Variants in MSL1 observed in about 807,000 individuals in gnomAD.
The protein encoded by MSL1 is MSL complex subunit 1, also known as male-specific lethal 1 homolog.
In MSL1, 21 loss-of-function variants were observed where a neutral mutation model predicts 64.6. The observed-to-expected ratio is 0.33, with a 90% CI of 0.23 to 0.47. The LOEUF (loss-of-function observed/expected upper bound fraction) is 0.47. Ranked by LOEUF, MSL1 falls within the 20% of genes least tolerant of loss-of-function variation. The probability of loss-of-function intolerance (pLI) is 1.00; values close to 1 mark genes in which losing one functional copy is unlikely to be tolerated. For synonymous variants in MSL1, 339 were observed against 329.6 expected, an observed-to-expected ratio of 1.03 and a Z score of -0.31; for missense variants, 664 against 793.2, an observed-to-expected ratio of 0.84 and a Z score of 1.96.
intron 7 of MSL1, 35 bp downstream of exon 7, chr17:40,133,693 AAAG>A (rs756228768): frequency 3.1e-6 from 5 of 1,610,996 alleles, no homozygotes; most frequent in East Asian, 4.5e-5. Context: ...TAGGTTTTTG[AAAG>A]AAGGAGGAGG....
chr17:40,129,448 G>A lies in MSL1; in HGVS notation c.1196G>A (p.Arg399Lys). The A allele has an allele frequency of 6.2e-7, 1 of 1,613,674 alleles. No homozygotes were observed. Among genetic ancestry groups the A allele is most frequent in the Non-Finnish European group, 8.5e-7 (1 of 1,179,794 alleles). Residue 399 changes from arginine to lysine, a missense_variant, in exon 3 of 9, where the codon AGA becomes AAA. By Grantham distance (26) the Arg-to-Lys change is conservative. Transcript: ENST00000398532. Reference sequence around the variant, plus strand: ...CGGTCTTCAGTGGACACCCCACCAAGACTCTCCACTCCCCAAAAGGGACCC... The same window carrying A: ...CGGTCTTCAGTGGACACCCCACCAAAACTCTCCACTCCCCAAAAGGGACCC... ...KPRSSVDTPP[R>K]LSTPQKGPST...
chr17:40,122,674 A>T lies in MSL1; in HGVS notation c.62A>T (p.Gln21Leu). 1 of 1,492,074 alleles carries T rather than the reference A, an allele frequency of 6.7e-7. No homozygotes were observed. The highest frequency in any genetic ancestry group is 8.9e-7 in the Non-Finnish European group (1 of 1,128,164). 92.4% of individuals were successfully genotyped at this position (1,492,074 alleles called of 1,614,324 possible). The change falls in exon 1 of 9, where the codon CAG becomes CTG. Residue 21 changes from glutamine (Q) to leucine (L), a missense_variant. Physicochemically the swap from Gln to Leu is moderately radical, Grantham distance 113. Around this residue, in one of 4 missense-constraint regions of MSL1, gnomAD observed 466 missense variants for 499.0 expected, o/e 0.93. Transcript: ENST00000398532. The surrounding 1 kb of genome is among the most constrained non-coding windows in gnomAD (Gnocchi z 4.2). Reference protein sequence around the residue: ...AAAPAGGNPEQRLDYERAAAL... With the variant: ...AAAPAGGNPELRLDYERAAAL... The stretch of plus-strand genomic sequence containing the variant: ...GCCCCTGCCGGCGGCAATCCTGAGC[A>T]GCGACTGGACTACGAGCGGGCTGCG...
At chr17:40,133,376 G>C (rs567543860) in intron 6 of MSL1, 158 bp from the exon 7 acceptor site, 133 of 932,562 alleles carry the variant, frequency 1.4e-4, no homozygotes, top group South Asian at 3.8e-4. Context: ...GACCTAAACA[G>C]CTCTCCCTTA....
chr17:40,134,206 T>G, intron 8 of MSL1, 73 bp from the exon 9 acceptor site: 1 of 1,334,196 alleles, frequency 7.5e-7, no homozygotes, highest in Non-Finnish European at 1.1e-6. Flanking sequence ...AGTGACTTTT[T>G]TGTAGTTGCT....
rs968272273 is a variant in MSL1, at chr17:40,122,980, C to T, written c.368C>T (p.Ala123Val). The change falls in exon 1 of 9, where the codon GCC becomes GTC. Residue 123 changes from alanine (A) to valine (V), a missense_variant. Ala to Val is a moderately conservative substitution (Grantham distance 64). This residue lies in a region of MSL1 where 466 missense variants were observed against 499.0 expected (regional missense o/e 0.93). Transcript: ENST00000398532. This position sits in a 1 kb window ranked among gnomAD's most constrained non-coding sequence, Gnocchi z 4.2. ...GGGGGGGAGCCTGCCGCAGCCGGAG[C>T]CGGCTGCAGCCCCCGGCCCAAGTAT... The part of the protein sequence containing the change: ...GIGGEPAAAG[A>V]GCSPRPKYQA... 2.0e-6 allele frequency: 3 copies of T among 1,527,578 alleles called. No individual in the cohort carries two copies. The highest frequency in any genetic ancestry group is 2.5e-5 in the East Asian group (1 of 39,584). The allele number at this position is 1,527,578 out of a possible 1,614,324, so 94.6% of individuals were successfully genotyped here. A position where few individuals can be genotyped will look rare whatever the true frequency, so the allele number is the denominator to read the frequency against.
intron 2 of MSL1, among the ~76,000 whole-genome samples, chr17:40,128,571 G>A (rs1008028979): frequency 5.3e-5 from 8 of 150,888 alleles, no homozygotes; most frequent in African/African-American, 1.9e-4. Context: ...TAGTAGAGAC[G>A]GGGTTTCACC....
At chr17:40,125,703 G>A (rs1436517641) in intron 1 of MSL1, among the ~76,000 whole-genome samples, 1 of 152,114 alleles carries the variant, frequency 6.6e-6, no homozygotes, top group South Asian at 2.1e-4. Flanking sequence ...CCAGCTACTC[G>A]GGAGGCTGAG....
In MSL1 at chr17:40,132,116, C is replaced by T. The variant is rs1988449336; in HGVS notation, c.1488+18C>T. Reference sequence around the variant, plus strand: ...TTTTGGAGGTAGGTAACCAAGAGCACTCAATTGAAGAGAGTAAGAGATTAA... The same window carrying T: ...TTTTGGAGGTAGGTAACCAAGAGCATTCAATTGAAGAGAGTAAGAGATTAA... On this transcript the variant is annotated intron_variant, in intron 5 of 8. Coordinates refer to ENST00000398532, the MANE Select transcript of MSL1 (RefSeq NM_001365919.1). 1.9e-6 allele frequency: 3 copies of T among 1,566,786 alleles called. No homozygotes were observed. The highest frequency in any genetic ancestry group is 2.6e-6 in the Non-Finnish European group (3 of 1,145,164).
intron 2 of MSL1, among the ~76,000 whole-genome samples, chr17:40,128,369 CTTTTTTTTT>C (rs145183199): frequency 1.1e-4 from 12 of 112,708 alleles, no homozygotes; most frequent in African/African-American, 3.2e-4. Context: ...CTTGAATATT[CTTTTTTTTT>C]TTTTTTTTTT....
In MSL1 at chr17:40,129,299, T is replaced by A. The variant is rs769207246; in HGVS notation, c.1047T>A (p.Pro349=). 6.3e-7 allele frequency: 1 copy of A among 1,581,986 alleles called. No homozygotes were observed. The highest frequency in any genetic ancestry group is 2.0e-5 in the Admixed American group (1 of 49,612). The change falls in exon 3 of 9, where the codon CCT becomes CCA. Residue 349 remains proline (P), a synonymous_variant. Transcript: ENST00000398532. ...ERKTPVKKLA[P]EFSKVKTKTP... ...AGACTCCTGTTAAAAAGCTGGCTCC[T>A]GAATTTTCAAAAGTCAAAACAAAAA...
chr17:40,123,830 A>G (rs1988251609), intron 1 of MSL1, among the ~76,000 whole-genome samples: 1 of 152,296 alleles, frequency 6.6e-6, no homozygotes, highest in South Asian at 2.1e-4. Context: ...GCATCTTTAG[A>G]TAGGAGGGCA....
chr17:40,128,446 C>G (rs2145131820), intron 2 of MSL1, among the ~76,000 whole-genome samples: 2 of 147,990 alleles, frequency 1.4e-5, no homozygotes, highest in South Asian at 4.3e-4. Flanking sequence ...GTGATCTCAG[C>G]TCACTGCAAC....
chr17:40,123,126 C>T lies in MSL1; in HGVS notation c.514C>T (p.Pro172Ser), dbSNP rs1988228527. The change falls in exon 1 of 9, where the codon CCC (proline) becomes TCC (serine). Residue 172 changes from proline (P) to serine (S), a missense_variant. Coordinates refer to ENST00000398532, the MANE Select transcript of MSL1 (RefSeq NM_001365919.1). ...TGCCACCGCCTCGGACCCGGCGGGA[C>T]CCCCACCACTACCTCTGCCCGGGCC... ...PAATASDPAG[P>S]PPLPLPGPPP... The T allele has an allele frequency of 1.3e-6, 2 of 1,532,042 alleles. No individual in the cohort carries two copies. Among genetic ancestry groups the T allele is most frequent in the African/African-American group, 1.4e-5 (1 of 72,796 alleles). The allele number at this position is 1,532,042 out of a possible 1,614,324, so 94.9% of individuals were successfully genotyped here. A position where few individuals can be genotyped will look rare whatever the true frequency, so the allele number is the denominator to read the frequency against.
Position 40,131,703 on chromosome 17 carries a change from G to T in MSL1, c.1423+119G>T. 1.1e-6 allele frequency: 1 copy of T among 930,824 alleles called. No individual in the cohort carries two copies. Among genetic ancestry groups the T allele is most frequent in the Non-Finnish European group, 1.8e-6 (1 of 561,448 alleles). The allele number at this position is 930,824 out of a possible 1,614,324, so 57.7% of individuals were successfully genotyped here. On this transcript the variant is annotated intron_variant, in intron 4 of 8. Coordinates refer to ENST00000398532, the MANE Select transcript of MSL1 (RefSeq NM_001365919.1). The surrounding 1 kb of genome is among the most constrained non-coding windows in gnomAD (Gnocchi z 4.5). ...GGGAGACTGAGATTTCTTGGTGTAT[G>T]ATTGATTACACTACTATAGACTTCA...
At chr17:40,126,669 G>T (rs948596468) in intron 2 of MSL1, 7 of 358,694 alleles carry the variant, frequency 2.0e-5, no homozygotes, top group African/African-American at 1.3e-4. Context: ...TTAGCCGGGC[G>T]TGATGGCGGG....
Position 40,133,648 on chromosome 17 carries a change from G to A in MSL1, c.1671G>A (p.Glu557=). The A allele has an allele frequency of 6.2e-7, 1 of 1,613,618 alleles. No individual in the cohort carries two copies. The highest frequency in any genetic ancestry group is 8.5e-7 in the Non-Finnish European group (1 of 1,179,766). ...CTGAGGTTACCTCATTTTTCCCTGA[G>A]CCAGATGATGGTAAGTTGTGTCCAT... is the stretch of plus-strand genomic sequence containing the variant. ...SEPEVTSFFP[E]PDDVESLMIT... Residue 557 remains glutamate, a synonymous_variant, in exon 7 of 9, where the codon GAG becomes GAA. Transcript: ENST00000398532.
chr17:40,126,556 C>T, intron 2 of MSL1, 150 bp downstream of exon 2: 1 of 711,348 alleles, frequency 1.4e-6, no homozygotes, highest in Non-Finnish European at 2.3e-6. Flanking sequence ...CACCTGTAAT[C>T]CCAGCACTTT....
In MSL1 at chr17:40,134,774, C is replaced by A; in HGVS notation, c.*405C>A. 5.7e-6 allele frequency: 1 copy of A among 174,528 alleles called. No homozygotes were observed. The highest frequency in any genetic ancestry group is 1.2e-5 in the Non-Finnish European group (1 of 81,444). The allele number at this position is 174,528 out of a possible 1,614,324, so 10.8% of individuals were successfully genotyped here. Reference sequence around the variant, plus strand: ...TGGCACTCTTCTCACCCTGGTACACCCTCCTTATAGTGGGTATAGTGATTT... The same window carrying A: ...TGGCACTCTTCTCACCCTGGTACACACTCCTTATAGTGGGTATAGTGATTT... On this transcript the variant is annotated 3_prime_UTR_variant, in exon 9 of 9. Transcript: ENST00000398532.
rs1234953262 is a variant in MSL1, at chr17:40,132,107, C to T, written c.1488+9C>T. On this transcript the variant is annotated intron_variant, in intron 5 of 8. Transcript: ENST00000398532. ...CTTCAGACCTTTTGGAGGTAGGTAA[C>T]CAAGAGCACTCAATTGAAGAGAGTA... 4 of 1,586,698 alleles carry T rather than the reference C, an allele frequency of 2.5e-6. No individual in the cohort carries two copies. Among genetic ancestry groups the T allele is most frequent in the Non-Finnish European group, 3.4e-6 (4 of 1,161,420 alleles).
Sources: gnomAD v4.1 joint callset for allele counts (sites outside exome capture counted in the v4.1 genomes callset) on GRCh38, gnomAD v4.1.1 for gene constraint, gnomAD v4.1.1 regional missense constraint, Gnocchi (gnomAD v3.1) non-coding constraint, MANE v1.5 for transcripts, NCBI Gene and HGNC (gene_info 2026-07-23, HGNC 2026-07-21) for gene names.